LRCH1: variants seen among roughly 807,000 people sequenced by gnomAD.
LRCH1 encodes the protein leucine rich repeats and calponin homology domain containing 1.
Under a neutral mutation model 94.9 loss-of-function variants are expected in LRCH1, and 23 were observed. The observed-to-expected ratio is 0.24, with a 90% CI of 0.17 to 0.34. The LOEUF is 0.34. Ranked by LOEUF, LRCH1 falls within the 10% of genes least tolerant of loss-of-function variation. The probability of loss-of-function intolerance (pLI) is 1.00; values close to 1 mark genes in which losing one functional copy is unlikely to be tolerated. For synonymous variants in LRCH1, 364 were observed against 354.9 expected, an observed-to-expected ratio of 1.03 and a Z score of -0.29; for missense variants, 790 against 945.9, an observed-to-expected ratio of 0.84 and a Z score of 2.16.
chr13:46,653,513 A>T (rs1003374564), intron 2 of LRCH1, among the ~76,000 whole-genome samples: 2 of 152,190 alleles, frequency 1.3e-5, no homozygotes. Context: ...AATTTTTTAC[A>T]TGAGTATAAA....
intron 1 of LRCH1, among the ~76,000 whole-genome samples, chr13:46,598,408 C>G (rs1036917041): frequency 6.6e-6 from 1 of 151,574 alleles, no homozygotes; most frequent in African/African-American, 2.4e-5. Flanking sequence ...GGGGAAAAGA[C>G]GCTTGCAGAT....
chr13:46,684,628 T>G (rs923548437), intron 4 of LRCH1, among the ~76,000 whole-genome samples: 1 of 152,200 alleles, frequency 6.6e-6, no homozygotes, highest in Non-Finnish European at 1.5e-5. Context: ...TCATGGAATC[T>G]TCATAATTCT....
rs1246867281 is a variant in LRCH1 at position 46,744,140 on chromosome 13, G to A, written c.*2292G>A. The A allele has an allele frequency of 1.0e-6, 1 of 985,206 alleles. No individual in the cohort carries two copies. Among genetic ancestry groups the A allele is most frequent in the East Asian group, 1.1e-4 (1 of 8,826 alleles). The allele number at this position is 985,206 out of a possible 1,614,324, so 61.0% of individuals were successfully genotyped here. ...TGTGGTTTTTCTCCAAGGTACCCGT[G>A]CACCAGCCCATATGCTAACTGGATG... On this transcript the variant is annotated 3_prime_UTR_variant, in exon 20 of 20. Coordinates refer to ENST00000389797, the MANE Select transcript of LRCH1 (RefSeq NM_001164211.2).
intron 1 of LRCH1, among the ~76,000 whole-genome samples, chr13:46,622,787 C>G (rs2050895531): frequency 6.6e-6 from 1 of 152,118 alleles, no homozygotes. Context: ...CATGACAGTC[C>G]TCAGAATTTT....
chr13:46,662,888 CTG>C (rs778101930), intron 2 of LRCH1, among the ~76,000 whole-genome samples: 39 of 152,178 alleles, frequency 2.6e-4, no homozygotes, highest in Non-Finnish European at 4.0e-4. Flanking sequence ...TTTAGACACT[CTG>C]TTTTTGTTTT....
intron 19 of LRCH1, among the ~76,000 whole-genome samples, chr13:46,736,754 TAC>T (rs894022651): frequency 6.6e-6 from 1 of 151,980 alleles, no homozygotes; most frequent in Non-Finnish European, 1.5e-5. Flanking sequence ...ATAACTTATC[TAC>T]ACACACACAC....
chr13:46,596,670 T>A (rs1566166085), intron 1 of LRCH1, among the ~76,000 whole-genome samples: 1 of 152,222 alleles, frequency 6.6e-6, no homozygotes, highest in Non-Finnish European at 1.5e-5. Flanking sequence ...ACAAAGGGAA[T>A]GATTTTCAGG....
In LRCH1 at chr13:46,687,968, C is replaced by T. The variant is rs1184645642; in HGVS notation, c.939C>T (p.His313=). ...HTMERPHLHQ[H]VEDGKKDSDS... ...TGGAGAGGCCACATTTACACCAGCA[C>T]GTGGAAGATGGGTGAGTCATGCCCT... The change falls in exon 6 of 20, where the codon CAC becomes CAT. Residue 313 remains histidine, a synonymous_variant. Transcript: ENST00000389797. The T allele has an allele frequency of 4.3e-6, 7 of 1,611,372 alleles. No individual in the cohort carries two copies. Among genetic ancestry groups the T allele is most frequent in the African/African-American group, 1.3e-5 (1 of 74,880 alleles).
chr13:46,564,481 T>A (rs1182529861), intron 1 of LRCH1, among the ~76,000 whole-genome samples: 1 of 152,168 alleles, frequency 6.6e-6, no homozygotes, highest in African/African-American at 2.4e-5. Flanking sequence ...TTCTCTCCCC[T>A]CTGGCCATTC....
intron 1 of LRCH1, among the ~76,000 whole-genome samples, chr13:46,598,914 T>C (rs762119956): frequency 3.9e-5 from 6 of 152,204 alleles, no homozygotes; most frequent in Non-Finnish European, 7.3e-5. Flanking sequence ...AGTTACATAT[T>C]CACATTGTCG....
chr13:46,652,401 T>G (rs557416803), intron 2 of LRCH1, among the ~76,000 whole-genome samples: 1,726 of 151,814 alleles, frequency 0.011, 29 homozygotes, highest in African/African-American at 0.039. Context: ...TTTTGTTTTT[T>G]TTTTTGTCAG....
chr13:46,747,207 G>A (rs1350220138), downstream of LRCH1, among the ~76,000 whole-genome samples: 1 of 152,138 alleles, frequency 6.6e-6, no homozygotes, highest in African/African-American at 2.4e-5. Context: ...TTGGAATGTG[G>A]AGACCAGGAA....
chr13:46,724,421 G>A (rs1347030321), intron 17 of LRCH1, among the ~76,000 whole-genome samples: 1 of 152,126 alleles, frequency 6.6e-6, no homozygotes, highest in East Asian at 1.9e-4. Flanking sequence ...TCCTCACTTT[G>A]TACCCCAAAC....
At chr13:46,611,424 A>G (rs1459237614) in intron 1 of LRCH1, among the ~76,000 whole-genome samples, 2 of 152,204 alleles carry the variant, frequency 1.3e-5, no homozygotes, top group Non-Finnish European at 2.9e-5. Context: ...GAGCTCAGCC[A>G]CCCAGTACTA....
chr13:46,686,847 A>G (rs533666414), intron 5 of LRCH1, among the ~76,000 whole-genome samples: 14 of 152,258 alleles, frequency 9.2e-5, no homozygotes, highest in African/African-American at 3.4e-4. Context: ...CATTGCATCA[A>G]ATCCATTCAC....
intron 1 of LRCH1, among the ~76,000 whole-genome samples, chr13:46,560,444 A>G (rs1017558745): frequency 2.0e-5 from 3 of 152,162 alleles, no homozygotes; most frequent in South Asian, 4.1e-4. Context: ...AGATATGGCA[A>G]TTCCACCAGT....
At chr13:46,613,927 C>T (rs2050775538) in intron 1 of LRCH1, among the ~76,000 whole-genome samples, 1 of 152,118 alleles carries the variant, frequency 6.6e-6, no homozygotes, top group African/African-American at 2.4e-5. Flanking sequence ...TCCTACACTT[C>T]CTTAGGTGAG....
rs369834031 is a variant in LRCH1 at position 46,588,961 on chromosome 13, G to GTA, written c.307+35272_307+35273dup. On this transcript the variant is annotated intron_variant, in intron 1 of 19. Coordinates refer to ENST00000389797, the MANE Select transcript of LRCH1 (RefSeq NM_001164211.2). ...TGTATGTGAAGGTATGCGGATGTGT[G>GTA]TATATATATATATATGTTTTTTGCT... is the stretch of plus-strand genomic sequence containing the variant. 8.3e-3 allele frequency among the ~76,000 whole-genome samples: 1,240 copies of GTA among 150,206 alleles called. 7 individuals carry two copies. Among genetic ancestry groups the GTA allele is most frequent in the East Asian group, 0.014 (74 of 5,156 alleles).
chr13:46,555,472 G>A (rs1570976), intron 1 of LRCH1, among the ~76,000 whole-genome samples: 54,254 of 152,126 alleles, frequency 0.36, 11,979 homozygotes, highest in East Asian at 0.5. Context: ...TCTTTGAGAA[G>A]ACCAGTGCTT....
Sources: allele counts gnomAD v4.1 joint callset (sites outside exome capture counted in the v4.1 genomes callset), GRCh38; gene constraint gnomAD v4.1.1; transcripts MANE v1.5; gene names NCBI Gene and HGNC (gene_info 2026-07-23, HGNC 2026-07-21).